CDK6: variants seen among roughly 807,000 people sequenced by gnomAD.
CDK6 encodes cyclin dependent kinase 6, also known as cyclin-dependent kinase 6.
A neutral mutation model predicts 37.1 loss-of-function variants in CDK6; 6 were observed. That is an observed-to-expected ratio of 0.16 (90% CI 0.09 to 0.32). The LOEUF (loss-of-function observed/expected upper bound fraction) is 0.32, where lower values mean the gene tolerates loss of function less well. Ranked by LOEUF, CDK6 falls within the 10% of genes least tolerant of loss-of-function variation. The pLI is 1.00. For synonymous variants in CDK6, 160 were observed against 161.3 expected, an observed-to-expected ratio of 0.99 and a Z score of 0.06; for missense variants, 224 against 418.9, an observed-to-expected ratio of 0.53 and a Z score of 4.06.
At chr7:92,819,824 T>C (rs1172192915) in intron 2 of CDK6, among the ~76,000 whole-genome samples, 1 of 151,840 alleles carries the variant, frequency 6.6e-6, no homozygotes, top group African/African-American at 2.4e-5. Flanking sequence ...TGGAAAATAA[T>C]ATAGAAGTTT....
chr7:92,693,549 T>G (rs1287568737), intron 4 of CDK6, among the ~76,000 whole-genome samples: 1 of 152,254 alleles, frequency 6.6e-6, no homozygotes, highest in African/African-American at 2.4e-5. Context: ...ATATTCTAAT[T>G]AATTCATCAT....
At chr7:92,718,075 G>A (rs1798273852) in intron 4 of CDK6, among the ~76,000 whole-genome samples, 1 of 152,156 alleles carries the variant, frequency 6.6e-6, no homozygotes, top group Admixed American at 6.5e-5. Context: ...AACGTGTCCT[G>A]TTCCCAGCTC....
intron 2 of CDK6, among the ~76,000 whole-genome samples, chr7:92,786,207 G>C (rs980353504): frequency 6.6e-6 from 1 of 152,162 alleles, no homozygotes; most frequent in Non-Finnish European, 1.5e-5. Context: ...AAACTAGGCA[G>C]CCGCCTGTAA....
At chr7:92,784,780 T>C (rs1269651632) in intron 2 of CDK6, among the ~76,000 whole-genome samples, 1 of 152,222 alleles carries the variant, frequency 6.6e-6, no homozygotes, top group Non-Finnish European at 1.5e-5. Flanking sequence ...CCCACAGCCA[T>C]GTCTGATACA....
At chr7:92,766,344 T>C (rs1701601059) in intron 3 of CDK6, among the ~76,000 whole-genome samples, 1 of 152,054 alleles carries the variant, frequency 6.6e-6, no homozygotes, top group Non-Finnish European at 1.5e-5. Flanking sequence ...CACTTACTGA[T>C]GGATTGGATG....
intron 4 of CDK6, among the ~76,000 whole-genome samples, chr7:92,702,584 T>G (rs764089450): frequency 1.3e-5 from 2 of 152,170 alleles, no homozygotes; most frequent in Non-Finnish European, 2.9e-5. Flanking sequence ...TAGGCATTGA[T>G]GAGAATAGAA....
chr7:92,644,720 TA>T, intron 5 of CDK6, among the ~76,000 whole-genome samples: 1 of 152,196 alleles, frequency 6.6e-6, no homozygotes, highest in South Asian at 2.1e-4. Flanking sequence ...TTGGAGCAGG[TA>T]TTCCACTGGT....
intron 4 of CDK6, among the ~76,000 whole-genome samples, chr7:92,678,809 G>GC (rs1797265995): frequency 6.6e-6 from 1 of 152,188 alleles, no homozygotes. Context: ...TTTCTTACTG[G>GC]CTTTGGCCAA....
intron 2 of CDK6, among the ~76,000 whole-genome samples, chr7:92,787,649 C>T (rs892376824): frequency 2.0e-5 from 3 of 151,872 alleles, no homozygotes; most frequent in African/African-American, 7.3e-5. Context: ...CTTTTCAATC[C>T]CCTCCCAATA....
At chr7:92,704,402 C>G (rs1797923635) in intron 4 of CDK6, among the ~76,000 whole-genome samples, 1 of 151,952 alleles carries the variant, frequency 6.6e-6, no homozygotes, top group Non-Finnish European at 1.5e-5. Flanking sequence ...GCTCAGAGCC[C>G]TCCTCTCTCT....
At chr7:92,832,946 A>C in intron 2 of CDK6, 145 bp downstream of exon 2, 2 of 622,984 alleles carry the variant, frequency 3.2e-6, no homozygotes, top group Non-Finnish European at 5.6e-6. Flanking sequence ...ACAAAACTTA[A>C]CTCTCACTCT....
intron 2 of CDK6, among the ~76,000 whole-genome samples, chr7:92,779,167 C>A (rs1386363333): frequency 6.6e-6 from 1 of 152,004 alleles, no homozygotes; most frequent in Non-Finnish European, 1.5e-5. Flanking sequence ...AACATCTAAC[C>A]CACCCAAGTT....
In CDK6 at chr7:92,707,210, T is replaced by C. The variant is rs144866328; in HGVS notation, c.537+18416A>G. On this transcript the variant is annotated intron_variant, in intron 4 of 7. Coordinates refer to ENST00000424848, the MANE Select transcript of CDK6 (RefSeq NM_001145306.2). ...CTTCACTTTTTCATGTATTAACTCA[T>C]TTAATTCCCACAACAATCCTATTAA... Among the ~76,000 whole-genome samples, 543 of 152,336 alleles carry C rather than the reference T, an allele frequency of 3.6e-3. 4 individuals are homozygous for C. Among genetic ancestry groups the C allele is most frequent in the South Asian group, 0.029 (138 of 4,826 alleles).
intron 4 of CDK6, among the ~76,000 whole-genome samples, chr7:92,684,592 C>T (rs1005758009): frequency 6.6e-6 from 1 of 152,144 alleles, no homozygotes; most frequent in African/African-American, 2.4e-5. Flanking sequence ...CCAGGCATCA[C>T]CCTTCCTCCC....
At chr7:92,710,887 C>T in intron 4 of CDK6, 1 of 983,716 alleles carries the variant, frequency 1.0e-6, no homozygotes, top group Non-Finnish European at 1.2e-6. Flanking sequence ...GAGTCAGACA[C>T]AGAAAGGGCT....
At chr7:92,762,531 A>C (rs746175130) in intron 3 of CDK6, among the ~76,000 whole-genome samples, 15 of 152,138 alleles carry the variant, frequency 9.9e-5, no homozygotes, top group Non-Finnish European at 1.9e-4. Flanking sequence ...TAAAATTTTA[A>C]CAAGTGTTTA....
intron 5 of CDK6, among the ~76,000 whole-genome samples, chr7:92,638,306 G>A (rs951636435): frequency 5.3e-5 from 8 of 152,180 alleles, no homozygotes; most frequent in Non-Finnish European, 1.0e-4. Context: ...TACCAGGGAG[G>A]AGGCTGCAGG....
chr7:92,793,425 T>C (rs542604248), intron 2 of CDK6, among the ~76,000 whole-genome samples: 1 of 152,180 alleles, frequency 6.6e-6, no homozygotes, highest in South Asian at 2.1e-4. Flanking sequence ...GAAATATAAT[T>C]TAGAGTGCAG....
chr7:92,680,146 A>C (rs1171677757), intron 4 of CDK6, among the ~76,000 whole-genome samples: 4 of 151,648 alleles, frequency 2.6e-5, no homozygotes, highest in Non-Finnish European at 5.9e-5. Flanking sequence ...TAAGAATTAA[A>C]TACTGGCCAG....
Sources: allele counts gnomAD v4.1 joint callset (sites outside exome capture counted in the v4.1 genomes callset), GRCh38; gene constraint gnomAD v4.1.1; transcripts MANE v1.5; gene names NCBI Gene and HGNC (gene_info 2026-07-23, HGNC 2026-07-21).